Variants in ATP6V1C1 observed in about 807,000 individuals in gnomAD.
ATP6V1C1 encodes ATPase H+ transporting V1 subunit C1.
A neutral mutation model predicts 53.9 loss-of-function variants in ATP6V1C1; 45 were observed. The ratio of observed to expected loss-of-function variants is 0.83; its 90% confidence interval spans 0.66 to 1.07. The LOEUF is 1.07. ATP6V1C1 is among the 50% of genes least tolerant of loss of function. The pLI, the probability that ATP6V1C1 is intolerant of heterozygous loss-of-function variation, is 0.00. For missense variants in ATP6V1C1, 315 were observed against 440.3 expected (o/e 0.72, Z 2.55); for synonymous variants, 153 against 155.2 (o/e 0.99, Z 0.11).
rs1233226266 is a variant in ATP6V1C1 at position 103,048,873 on chromosome 8, G to A, written c.204G>A (p.Val68=). 6.2e-7 allele frequency: 1 copy of A among 1,612,534 alleles called. No homozygotes were observed. The highest frequency in any genetic ancestry group is 2.2e-5 in the East Asian group (1 of 44,736). Residue 68 remains valine (V), a synonymous_variant, in exon 4 of 13, where the codon GTG becomes GTA. Coordinates refer to ENST00000518738, the MANE Select transcript of ATP6V1C1 (RefSeq NM_001695.5). ...LAKLDAFVEG[V]VKKVAQYMAD... ...GTTGATATTTTTTCTTCCCCAGAGTGGTTAAGAAAGTAGCTCAATACATGG... is the reference window on the plus strand; with the variant it reads ...GTTGATATTTTTTCTTCCCCAGAGTAGTTAAGAAAGTAGCTCAATACATGG...
rs762386211 is a variant in ATP6V1C1 at position 103,054,000 on chromosome 8, A to G, written c.572+18A>G. The stretch of plus-strand genomic sequence containing the variant: ...GTTCCCAAGTAAGTCTTTCTATTAT[A>G]AAAGGTTTTACTTGTTAAAATACAA... On this transcript the variant is annotated intron_variant, in intron 7 of 12. Transcript: ENST00000518738. 24 of 1,577,790 alleles carry G rather than the reference A, an allele frequency of 1.5e-5. No homozygotes were observed. The highest frequency in any genetic ancestry group is 2.3e-5 in the South Asian group (2 of 86,640).
At chr8:103,067,598 CTTTT>C (rs764474136) in intron 12 of ATP6V1C1, among the ~76,000 whole-genome samples, 2 of 114,980 alleles carry the variant, frequency 1.7e-5, no homozygotes, top group African/African-American at 3.3e-5. Flanking sequence ...TTTTCTTTTT[CTTTT>C]TTTTTTTTTT....
intron 1 of ATP6V1C1, among the ~76,000 whole-genome samples, chr8:103,022,114 CG>C (rs1410331901): frequency 6.6e-6 from 1 of 152,068 alleles, no homozygotes. Flanking sequence ...AAAGAGAATG[CG>C]AAGTGCTTTG....
chr8:103,065,907 T>C (rs1586329811), intron 11 of ATP6V1C1, among the ~76,000 whole-genome samples: 1 of 151,760 alleles, frequency 6.6e-6, no homozygotes, highest in Admixed American at 6.6e-5. Flanking sequence ...CTGGGCATGG[T>C]GGTATGTGCC....
chr8:103,026,470 T>C (rs1027872071), intron 1 of ATP6V1C1, among the ~76,000 whole-genome samples: 19 of 152,242 alleles, frequency 1.2e-4, no homozygotes, highest in Non-Finnish European at 2.4e-4. Flanking sequence ...TTATGGGTAT[T>C]GTTTCCATTG....
rs1817543540 is a variant in ATP6V1C1 at position 103,069,058 on chromosome 8, A to G, written c.*311A>G. On this transcript the variant is annotated 3_prime_UTR_variant, in exon 13 of 13. Coordinates refer to ENST00000518738, the MANE Select transcript of ATP6V1C1 (RefSeq NM_001695.5). ...TGATATCATGGTATGCATTAATTCC[A>G]TTTGTTACTATTGTGCACAAAAGCC... 1 of 169,226 alleles carries G rather than the reference A, an allele frequency of 5.9e-6. No individual in the cohort carries two copies. The highest frequency in any genetic ancestry group is 1.3e-5 in the Non-Finnish European group (1 of 79,746). 10.5% of individuals were successfully genotyped at this position (169,226 alleles called of 1,614,324 possible).
At chr8:103,036,869 T>G (rs1175314379) in intron 1 of ATP6V1C1, among the ~76,000 whole-genome samples, 1 of 152,012 alleles carries the variant, frequency 6.6e-6, no homozygotes, top group Non-Finnish European at 1.5e-5. Flanking sequence ...TACCTGCCAT[T>G]TTGGGGGGAG....
At chr8:103,058,354 T>TA (rs1307282406) in intron 8 of ATP6V1C1, among the ~76,000 whole-genome samples, 1 of 152,220 alleles carries the variant, frequency 6.6e-6, no homozygotes, top group Non-Finnish European at 1.5e-5. Flanking sequence ...CTCAAAAACT[T>TA]ACCTGTTTAA....
intron 6 of ATP6V1C1, 117 bp downstream of exon 6, chr8:103,052,939 G>A: frequency 1.7e-6 from 1 of 589,110 alleles, no homozygotes; most frequent in South Asian, 3.6e-5. Flanking sequence ...TAATCAAAAT[G>A]GTATTTCTTT....
chr8:103,048,806 A>G (rs901980626), intron 3 of ATP6V1C1, 64 bp from the exon 4 acceptor site: 3 of 1,372,098 alleles, frequency 2.2e-6, no homozygotes, highest in African/African-American at 2.9e-5. Context: ...TAATATGTTC[A>G]TTGTATAGAA....
intron 1 of ATP6V1C1, among the ~76,000 whole-genome samples, chr8:103,029,421 C>T (rs1423405246): frequency 1.3e-5 from 2 of 152,010 alleles, no homozygotes; most frequent in Non-Finnish European, 2.9e-5. Flanking sequence ...AGATGCGTGC[C>T]ACCGTGTCTT....
At chr8:103,045,147 A>C (rs1440425006) in intron 3 of ATP6V1C1, among the ~76,000 whole-genome samples, 2 of 152,228 alleles carry the variant, frequency 1.3e-5, no homozygotes, top group Non-Finnish European at 2.9e-5. Context: ...ATTTGATTGA[A>C]GCTTTAAGGG....
intron 11 of ATP6V1C1, among the ~76,000 whole-genome samples, chr8:103,065,854 C>T (rs536972470): frequency 1.6e-4 from 25 of 152,012 alleles, no homozygotes; most frequent in Non-Finnish European, 2.8e-4. Context: ...CCATGCTGGC[C>T]AACATGGTGA....
Position 103,051,125 on chromosome 8 carries a change from T to C in ATP6V1C1, c.362T>C (p.Ile121Thr), listed in dbSNP as rs752459282. 1 of 1,606,586 alleles carries C rather than the reference T, an allele frequency of 6.2e-7. No individual in the cohort carries two copies. The highest frequency in any genetic ancestry group is 1.1e-5 in the South Asian group (1 of 90,434). The change falls in exon 5 of 13, where the codon ATT becomes ACT. Residue 121 changes from isoleucine (I) to threonine (T), a missense_variant. Coordinates refer to ENST00000518738, the MANE Select transcript of ATP6V1C1 (RefSeq NM_001695.5). The part of the protein sequence containing the change: ...KYPIKQSLKN[I>T]SEIIAKGVTQ... ...CCAATCAAGCAGTCCCTGAAAAATA[T>C]TTCTGAAATAATTGCCAAGGTAAGA...
intron 8 of ATP6V1C1, among the ~76,000 whole-genome samples, chr8:103,057,856 CTT>C (rs1817317703): frequency 6.6e-6 from 1 of 151,746 alleles, no homozygotes. Context: ...GGAGGAATAT[CTT>C]TCCTTCATAC....
Position 103,042,388 on chromosome 8 carries a change from C to T in ATP6V1C1, c.181C>T (p.Leu61=). The T allele has an allele frequency of 1.2e-6, 2 of 1,613,700 alleles. No individual in the cohort carries two copies. The highest frequency in any genetic ancestry group is 1.7e-6 in the Non-Finnish European group (2 of 1,179,934). Residue 61 remains leucine (L), a synonymous_variant, in exon 3 of 13, where the codon CTG becomes TTG. Coordinates refer to ENST00000518738, the MANE Select transcript of ATP6V1C1 (RefSeq NM_001695.5). Reference sequence around the variant, plus strand: ...TGGCTTGTCAGATGAACTGGCTAAACTGGATGCATTTGTAGAAGGGTAATG... The same window carrying T: ...TGGCTTGTCAGATGAACTGGCTAAATTGGATGCATTTGTAGAAGGGTAATG... The part of the protein sequence containing the change: ...LVGLSDELAK[L]DAFVEGVVKK...
intron 1 of ATP6V1C1, among the ~76,000 whole-genome samples, chr8:103,021,629 G>C (rs570979483): frequency 1.3e-5 from 2 of 150,536 alleles, no homozygotes; most frequent in South Asian, 2.1e-4. Flanking sequence ...GTGTGTGTTG[G>C]GGGGGGCGCG....
At chr8:103,064,324 T>C (rs1817452781) in intron 10 of ATP6V1C1, among the ~76,000 whole-genome samples, 1 of 152,238 alleles carries the variant, frequency 6.6e-6, no homozygotes, top group Non-Finnish European at 1.5e-5. Context: ...AAGTTGTTTG[T>C]AAGTTGAATT....
chr8:103,060,172 C>T (rs547505110), intron 8 of ATP6V1C1, among the ~76,000 whole-genome samples: 3 of 151,650 alleles, frequency 2.0e-5, no homozygotes, highest in Non-Finnish European at 4.4e-5. Context: ...TTCACTATGT[C>T]GGCCAGACTG....
Sources: allele counts gnomAD v4.1 joint callset (sites outside exome capture counted in the v4.1 genomes callset), GRCh38; gene constraint gnomAD v4.1.1; transcripts MANE v1.5; gene names NCBI Gene and HGNC (gene_info 2026-07-23, HGNC 2026-07-21).